Variants in USP18 observed in about 807,000 individuals in gnomAD.
The protein encoded by USP18 is ubl carboxyl-terminal hydrolase 18.
USP18 carries 11 observed loss-of-function variants against 48.7 expected under a neutral mutation model. The observed-to-expected ratio is 0.23, with a 90% CI of 0.14 to 0.37. The LOEUF (loss-of-function observed/expected upper bound fraction) is 0.37. USP18 is among the 10% of genes least tolerant of loss of function. USP18 has a pLI of 1.00. For missense variants in USP18, 285 were observed against 436.4 expected (o/e 0.65, Z 3.09); for synonymous variants, 114 against 163.2 (o/e 0.70, Z 2.30).
chr22:18,167,155 A>G lies in USP18; in HGVS notation c.401-100A>G, dbSNP rs9605536. ...CTTGCAGTGGGGTGGAGGGCTAGGA[A>G]GAGACAAAGTGATGAGTGTTCATGT... On this transcript the variant is annotated intron_variant, in intron 4 of 10. Transcript: ENST00000215794. 0.34 allele frequency: 485,044 copies of G among 1,409,008 alleles called. 87,449 individuals are homozygous for G. Among genetic ancestry groups the G allele is most frequent in the African/African-American group, 0.59 (41,408 of 70,164 alleles). 87.3% of individuals were successfully genotyped at this position (1,409,008 alleles called of 1,614,324 possible).
rs762418324 is a variant in USP18 at position 18,173,314 on chromosome 22, C to G, written c.1023+33C>G. On this transcript the variant is annotated intron_variant, in intron 9 of 10. Coordinates refer to ENST00000215794, the MANE Select transcript of USP18 (RefSeq NM_017414.4). ...ACATCATCCACAATTGCCTCCTGCC[C>G]TGGATTGGCCACCTCTAGCAAATGC... The G allele has an allele frequency of 5.1e-6, 8 of 1,573,868 alleles. 1 individual carries two copies. In the South Asian group the frequency reaches 9.7e-5, roughly 19 times the overall value.
At chr22:18,158,948 C>T (rs1929243532) in intron 2 of USP18, among the ~76,000 whole-genome samples, 1 of 151,870 alleles carries the variant, frequency 6.6e-6, no homozygotes, top group Non-Finnish European at 1.5e-5. Flanking sequence ...TTTTTTTTCT[C>T]TCCCAACAAT....
intron 1 of USP18, among the ~76,000 whole-genome samples, chr22:18,150,883 G>A (rs1320817001): frequency 6.6e-6 from 1 of 152,196 alleles, no homozygotes; most frequent in African/African-American, 2.4e-5. Flanking sequence ...ACCCGGGAGC[G>A]GAGGTTGCGG....
At chr22:18,150,684 G>A (rs113109870) in intron 1 of USP18, among the ~76,000 whole-genome samples, 3,260 of 152,258 alleles carry the variant, frequency 0.021, 123 homozygotes, top group African/African-American at 0.072. Flanking sequence ...AAACTGATTC[G>A]GCCGGGTACG....
intron 1 of USP18, among the ~76,000 whole-genome samples, chr22:18,156,483 T>C (rs1450784003): frequency 6.6e-6 from 1 of 152,176 alleles, no homozygotes; most frequent in Non-Finnish European, 1.5e-5. Context: ...CGCGAAGGTC[T>C]GTAGCTTCAC....
intron 1 of USP18, 110 bp from the exon 2 acceptor site, chr22:18,157,448 C>T: frequency 1.7e-6 from 1 of 592,890 alleles, no homozygotes; most frequent in Non-Finnish European, 3.0e-6. Flanking sequence ...GAGTCAGTCT[C>T]CCCAAACATT....
chr22:18,167,410 T>C, intron 5 of USP18, 76 bp downstream of exon 5: 1 of 1,546,976 alleles, frequency 6.5e-7, no homozygotes, highest in African/African-American at 1.4e-5. Context: ...GTTCCCGTAG[T>C]GTGTAGAGGA....
In USP18 at chr22:18,173,074, T is replaced by G. The variant is rs575314968; in HGVS notation, c.892-76T>G. On this transcript the variant is annotated intron_variant, in intron 8 of 10. Transcript: ENST00000215794. ...TCTAAAGTCCCAGAGTCGGGCCTAG[T>G]GTGGGCAGGTATAAATGTGTGAGGC... The G allele has an allele frequency of 8.7e-3, 13,715 of 1,581,142 alleles. 259 individuals carry two copies. Among genetic ancestry groups the G allele is most frequent in the East Asian group, 0.031 (1,347 of 42,872 alleles).
Position 18,173,100 on chromosome 22 carries a change from A to G in USP18, c.892-50A>G, listed in dbSNP as rs540129476. The G allele has an allele frequency of 3.8e-5, 61 of 1,604,466 alleles. 1 individual carries two copies. The South Asian group carries it at 6.6e-4, about 17-fold the overall frequency. ...GTGGGCAGGTATAAATGTGTGAGGCAGTCGTGTTTGTGGTGGTGGGTGAAC... is the reference window on the plus strand; with the variant it reads ...GTGGGCAGGTATAAATGTGTGAGGCGGTCGTGTTTGTGGTGGTGGGTGAAC... On this transcript the variant is annotated intron_variant, in intron 8 of 10. Transcript: ENST00000215794.
intron 3 of USP18, among the ~76,000 whole-genome samples, chr22:18,160,929 C>G (rs987962382): frequency 1.3e-5 from 2 of 152,084 alleles, no homozygotes; most frequent in African/African-American, 4.8e-5. Context: ...GCCACCACAC[C>G]TGGCTAATTT....
At chr22:18,160,961 G>A (rs899837485) in intron 3 of USP18, among the ~76,000 whole-genome samples, 3 of 151,954 alleles carry the variant, frequency 2.0e-5, no homozygotes, top group African/African-American at 4.8e-5. Flanking sequence ...GTAGATATGA[G>A]TTTTCACCAT....
In USP18 at chr22:18,157,730, C is replaced by T. The variant is rs1041970674; in HGVS notation, c.67C>T (p.Pro23Ser). The stretch of plus-strand genomic sequence containing the variant: ...CATCCTGGCTGAGTCCTCGCAGTCC[C>T]CGGCAGATCTTGAAGAAAAGAAGGA... ...QSILAESSQS[P>S]ADLEEKKEED... Residue 23 changes from proline to serine, a missense_variant, in exon 2 of 11, where the codon CCG (proline) becomes TCG (serine). Transcript: ENST00000215794. 6.2e-7 allele frequency: 1 copy of T among 1,613,916 alleles called. No homozygotes were observed. Among genetic ancestry groups the T allele is most frequent in the African/African-American group, 1.3e-5 (1 of 74,876 alleles).
At chr22:18,160,352 C>A (rs776922260) in intron 3 of USP18, 84 bp downstream of exon 3, 9 of 1,528,150 alleles carry the variant, frequency 5.9e-6, no homozygotes, top group Non-Finnish European at 8.1e-6. Context: ...GTTGCCCAGG[C>A]TGGAGTGCAG....
intron 8 of USP18, among the ~76,000 whole-genome samples, chr22:18,171,764 G>A (rs564993481): frequency 1.0e-3 from 156 of 151,952 alleles, no homozygotes; most frequent in Non-Finnish European, 1.1e-3. Context: ...CTGTTTTATT[G>A]GTCTGTTTGG....
Position 18,165,988 on chromosome 22 carries a change from GC to G in USP18, c.401-1263del, listed in dbSNP as rs546141447. On this transcript the variant is annotated intron_variant, in intron 4 of 10. Coordinates refer to ENST00000215794, the MANE Select transcript of USP18 (RefSeq NM_017414.4). ...AAAGGCAGGATGTGTCTTGCTCCTT[GC>G]CCCAGGCTGGCTTCAGAATAAATTC... Among the ~76,000 whole-genome samples, 17 of 152,124 alleles carry G rather than the reference GC, an allele frequency of 1.1e-4. No homozygotes were observed. The South Asian group carries it at 2.7e-3, about 24-fold the overall frequency.
At chr22:18,156,387 A>C (rs965422394) in intron 1 of USP18, among the ~76,000 whole-genome samples, 1 of 152,190 alleles carries the variant, frequency 6.6e-6, no homozygotes, top group South Asian at 2.1e-4. Flanking sequence ...CATGCTGTGG[A>C]AGCTTTGTTG....
rs200117709 is a variant in USP18, at chr22:18,162,818, G to A, written c.400+883G>A. ...CACTGTGCTCATGTGGTCTGCCATT[G>A]ACTGAAATGTTGATCTGCAACTCGT... On this transcript the variant is annotated intron_variant, in intron 4 of 10. Coordinates refer to ENST00000215794, the MANE Select transcript of USP18 (RefSeq NM_017414.4). Among the ~76,000 whole-genome samples, 530 of 146,748 alleles carry A rather than the reference G, an allele frequency of 3.6e-3. No individual in the cohort carries two copies. The East Asian group carries it at 0.046, about 13-fold the overall frequency.
chr22:18,173,743 G>C, intron 9 of USP18, 50 bp from the exon 10 acceptor site: 1 of 1,604,636 alleles, frequency 6.2e-7, no homozygotes. Context: ...TGTCCTCTGT[G>C]GGTGCTTGTG....
chr22:18,167,697 CAA>C (rs748332867), intron 5 of USP18, among the ~76,000 whole-genome samples, 191 bp from the exon 6 acceptor site: 2,198 of 94,220 alleles, frequency 0.023, 14 homozygotes, highest in African/African-American at 0.033. Flanking sequence ...GACTCTGTCT[CAA>C]AAAAAAAAAA....
Sources: allele counts gnomAD v4.1 joint callset (sites outside exome capture counted in the v4.1 genomes callset), GRCh38; gene constraint gnomAD v4.1.1; transcripts MANE v1.5; gene names NCBI Gene and HGNC (gene_info 2026-07-23, HGNC 2026-07-21).